MYRIP: variants seen among roughly 807,000 people sequenced by gnomAD.
MYRIP encodes myosin VIIA and Rab interacting protein, also known as rab effector MyRIP.
A neutral mutation model predicts 98.0 loss-of-function variants in MYRIP; 49 were observed. That is an observed-to-expected ratio of 0.50 (90% CI 0.40 to 0.63). The LOEUF is 0.63. Among genes scored for constraint, MYRIP ranks in the 30% least tolerant of loss-of-function variants. MYRIP has a pLI of 0.00. For missense variants in MYRIP, 1,004 were observed against 1,058.2 expected (o/e 0.95, Z 0.71); for synonymous variants, 404 against 409.5 (o/e 0.99, Z 0.16).
chr3:40,010,974 TA>T (rs908907861), intron 2 of MYRIP, among the ~76,000 whole-genome samples: 28 of 151,986 alleles, frequency 1.8e-4, no homozygotes, highest in South Asian at 4.2e-4. Context: ...CTCTTTTACA[TA>T]AAAAAAATCA....
chr3:40,071,610 A>G (rs1948231871), intron 3 of MYRIP, among the ~76,000 whole-genome samples: 3 of 152,174 alleles, frequency 2.0e-5, no homozygotes, highest in Non-Finnish European at 2.9e-5. Context: ...CACTCAGAGC[A>G]GGAGTGAGGG....
At chr3:39,814,931 G>T (rs1435514811) in intron 1 of MYRIP, among the ~76,000 whole-genome samples, 1 of 152,048 alleles carries the variant, frequency 6.6e-6, no homozygotes, top group Admixed American at 6.5e-5. Flanking sequence ...ATTCTACAAG[G>T]CTTTATAATA....
At chr3:39,922,686 C>G (rs1463514441) in intron 2 of MYRIP, among the ~76,000 whole-genome samples, 1 of 152,194 alleles carries the variant, frequency 6.6e-6, no homozygotes, top group Non-Finnish European at 1.5e-5. Flanking sequence ...ACTTCTGACT[C>G]TCTTTGGCAG....
At chr3:40,099,714 T>A (rs914845876) in intron 3 of MYRIP, among the ~76,000 whole-genome samples, 4 of 152,250 alleles carry the variant, frequency 2.6e-5, no homozygotes, top group Admixed American at 2.0e-4. Context: ...ATTTGAAGCA[T>A]GTTTGTATTA....
intron 3 of MYRIP, among the ~76,000 whole-genome samples, chr3:40,052,888 T>C (rs1209079593): frequency 6.6e-6 from 1 of 152,118 alleles, no homozygotes; most frequent in Non-Finnish European, 1.5e-5. Context: ...AAATGTTAGA[T>C]TGAAAACTGC....
chr3:40,066,403 T>A (rs1021303923), intron 3 of MYRIP, among the ~76,000 whole-genome samples: 4 of 152,314 alleles, frequency 2.6e-5, no homozygotes, highest in East Asian at 1.9e-4. Context: ...GAAAACTTTT[T>A]TTTTCCTTTA....
At chr3:39,937,236 T>G (rs1559528675) in intron 2 of MYRIP, among the ~76,000 whole-genome samples, 2 of 152,202 alleles carry the variant, frequency 1.3e-5, no homozygotes, top group Non-Finnish European at 1.5e-5. Flanking sequence ...GTCTGAGACA[T>G]TAACATTGTG....
chr3:39,906,290 C>G (rs981492016), intron 2 of MYRIP, among the ~76,000 whole-genome samples: 1 of 152,108 alleles, frequency 6.6e-6, no homozygotes, highest in South Asian at 2.1e-4. Context: ...GGGTGAGGCA[C>G]CCCATGATAT....
At chr3:40,202,624 G>A (rs914177106) in intron 10 of MYRIP, among the ~76,000 whole-genome samples, 14 of 152,102 alleles carry the variant, frequency 9.2e-5, no homozygotes, top group African/African-American at 3.1e-4. Context: ...TAGTGAGCAC[G>A]GTTTAATTTG....
chr3:40,022,561 A>G (rs1034590077), intron 2 of MYRIP, among the ~76,000 whole-genome samples: 1 of 152,046 alleles, frequency 6.6e-6, no homozygotes, highest in Non-Finnish European at 1.5e-5. Flanking sequence ...ATTGTTTTTG[A>G]CATTTGTTTT....
chr3:40,008,586 A>G (rs1461387995), intron 2 of MYRIP, among the ~76,000 whole-genome samples: 2 of 152,196 alleles, frequency 1.3e-5, no homozygotes, highest in East Asian at 1.9e-4. Flanking sequence ...ATCAAGAGCC[A>G]GCTCAGACAC....
chr3:39,947,623 C>T (rs1227345257), intron 2 of MYRIP, among the ~76,000 whole-genome samples: 2 of 152,096 alleles, frequency 1.3e-5, no homozygotes, highest in Non-Finnish European at 2.9e-5. Flanking sequence ...TACAGACTCA[C>T]TGGGTGTGGT....
intron 2 of MYRIP, among the ~76,000 whole-genome samples, chr3:40,002,456 A>T (rs980741717): frequency 3.3e-5 from 5 of 151,792 alleles, no homozygotes; most frequent in African/African-American, 1.2e-4. Context: ...AATCGCTTGA[A>T]CCCAGGAGGC....
intron 2 of MYRIP, among the ~76,000 whole-genome samples, chr3:39,998,526 G>A (rs931698828): frequency 7.2e-5 from 11 of 152,094 alleles, no homozygotes; most frequent in African/African-American, 2.7e-4. Context: ...ATGAAATAAA[G>A]GAGGATACAA....
intron 1 of MYRIP, among the ~76,000 whole-genome samples, chr3:39,848,949 C>T (rs1942049436): frequency 6.6e-6 from 1 of 152,092 alleles, no homozygotes; most frequent in Non-Finnish European, 1.5e-5. Flanking sequence ...CATGTTCAGA[C>T]CTCTGTATCA....
chr3:39,926,532 A>G (rs928903226), intron 2 of MYRIP, among the ~76,000 whole-genome samples: 3 of 152,142 alleles, frequency 2.0e-5, no homozygotes, highest in African/African-American at 4.8e-5. Context: ...GTAGGGGTCC[A>G]GTTTCATTCT....
chr3:40,196,050 C>G (rs950710302), intron 10 of MYRIP, among the ~76,000 whole-genome samples: 1 of 152,000 alleles, frequency 6.6e-6, no homozygotes, highest in Admixed American at 6.5e-5. Flanking sequence ...AAAAAAATTT[C>G]TCTGCACTAT....
chr3:40,145,200 G>A (rs565668655), intron 3 of MYRIP, among the ~76,000 whole-genome samples: 18 of 152,228 alleles, frequency 1.2e-4, no homozygotes, highest in Non-Finnish European at 2.1e-4. Context: ...ACCAGCACCC[G>A]TACCCATGTG....
intron 11 of MYRIP, among the ~76,000 whole-genome samples, chr3:40,222,936 C>A (rs1182810904): frequency 6.6e-6 from 1 of 152,236 alleles, no homozygotes; most frequent in African/African-American, 2.4e-5. Context: ...TACGGTGGAA[C>A]TTCCCATTTC....
Sources: gnomAD v4.1 joint callset for allele counts (sites outside exome capture counted in the v4.1 genomes callset) on GRCh38, gnomAD v4.1.1 for gene constraint, MANE v1.5 for transcripts, NCBI Gene and HGNC (gene_info 2026-07-23, HGNC 2026-07-21) for gene names.